Variants in SLC22A23 observed in about 807,000 individuals in gnomAD.
SLC22A23 encodes solute carrier family 22 member 23, also known as ion transporter protein.
SLC22A23 carries 26 observed loss-of-function variants against 61.0 expected under a neutral mutation model. The observed-to-expected ratio is 0.43, with a 90% confidence interval of 0.31 to 0.59. The LOEUF is 0.59. Among genes scored for constraint, SLC22A23 ranks in the 20% least tolerant of loss-of-function variants. The pLI, the probability that SLC22A23 is intolerant of heterozygous loss-of-function variation, is 0.11. For missense variants in SLC22A23, 796 were observed against 934.7 expected, an observed-to-expected ratio of 0.85 and a Z score of 1.94; for synonymous variants, 430 against 413.9, an observed-to-expected ratio of 1.04 and a Z score of -0.47.
intron 1 of SLC22A23, among the ~76,000 whole-genome samples, chr6:3,436,607 T>A (rs1029547077): frequency 6.6e-6 from 1 of 152,116 alleles, no homozygotes; most frequent in African/African-American, 2.4e-5. Context: ...ATCCCAGGGA[T>A]TCCCAACTCT....
intron 3 of SLC22A23, among the ~76,000 whole-genome samples, chr6:3,374,450 C>A (rs1004639535): frequency 1.4e-4 from 22 of 152,224 alleles, no homozygotes; most frequent in African/African-American, 5.3e-4. Flanking sequence ...AACTAGCAAT[C>A]TACCTGACAG....
intron 4 of SLC22A23, among the ~76,000 whole-genome samples, chr6:3,307,583 G>A (rs1762070937): frequency 6.6e-6 from 1 of 152,252 alleles, no homozygotes; most frequent in Non-Finnish European, 1.5e-5. Context: ...GGCAGACTGA[G>A]GCCCAGGCCC....
intron 9 of SLC22A23, among the ~76,000 whole-genome samples, chr6:3,275,878 C>G (rs933543631): frequency 6.6e-6 from 1 of 152,220 alleles, no homozygotes; most frequent in African/African-American, 2.4e-5. Context: ...CACCACGCCA[C>G]TCTTATAACT....
At chr6:3,323,799 G>C (rs377404779) in intron 4 of SLC22A23, 35 bp downstream of exon 4, 2 of 1,581,476 alleles carry the variant, frequency 1.3e-6, no homozygotes, top group Non-Finnish European at 1.7e-6. Flanking sequence ...ATGTGCAGTC[G>C]CACCAGCCCA....
At chr6:3,284,317 C>T (rs1432267614) in intron 8 of SLC22A23, among the ~76,000 whole-genome samples, 1 of 152,204 alleles carries the variant, frequency 6.6e-6, no homozygotes, top group Non-Finnish European at 1.5e-5. Flanking sequence ...CCTATGTTTG[C>T]TCCAGTCAGG....
At position 3,286,659 on chromosome 6, in the gene SLC22A23, AGGGGGAG is replaced by A. The variant is rs953295236; in HGVS notation, c.1546+193_1546+199del. 6.6e-6 allele frequency among the ~76,000 whole-genome samples: 1 copy of A among 152,132 alleles called. No individual in the cohort carries two copies. Among genetic ancestry groups the A allele is most frequent in the African/African-American group, 2.4e-5 (1 of 41,466 alleles). On this transcript the variant is annotated intron_variant, in intron 7 of 9. Transcript: ENST00000406686. The surrounding 1 kb of genome is among the most constrained non-coding windows in gnomAD (Gnocchi z 4.2). ...GTGCAGCCCGGGCCGGGGCAGGGGC[AGGGGGAG>A]GCGGGAAGGCCCAGTGCCCTCTAAG...
At chr6:3,367,335 T>C (rs1444345939) in intron 3 of SLC22A23, among the ~76,000 whole-genome samples, 2 of 152,234 alleles carry the variant, frequency 1.3e-5, no homozygotes, top group Admixed American at 6.5e-5. Flanking sequence ...TTGGCCATCA[T>C]TGAAAACATC....
chr6:3,437,732 T>C (rs939767259), intron 1 of SLC22A23, among the ~76,000 whole-genome samples: 18 of 142,290 alleles, frequency 1.3e-4, no homozygotes, highest in African/African-American at 4.6e-4. Flanking sequence ...AAACCCACTC[T>C]GGAACTTACT....
At chr6:3,279,543 ACAT>A (rs1405525646) in intron 9 of SLC22A23, among the ~76,000 whole-genome samples, 11 of 149,620 alleles carry the variant, frequency 7.4e-5, no homozygotes, top group Non-Finnish European at 1.6e-4. Flanking sequence ...AAAATCCTTG[ACAT>A]CATTCAGTAC....
At chr6:3,395,234 A>G (rs545718065) in intron 3 of SLC22A23, among the ~76,000 whole-genome samples, 2 of 152,352 alleles carry the variant, frequency 1.3e-5, no homozygotes, top group South Asian at 4.1e-4. Flanking sequence ...AAGATTTTGG[A>G]GCCCACATTT....
rs1319580828 is a variant in SLC22A23, at chr6:3,269,884, G to C, written c.*3171C>G. ...GGCTCTAGGAAGCGGTGGTGTCTGA[G>C]TGTGATACTTCCCTTACGAGGTTTG... On this transcript the variant is annotated 3_prime_UTR_variant, in exon 10 of 10. Coordinates refer to ENST00000406686, the MANE Select transcript of SLC22A23 (RefSeq NM_015482.2). 1 of 152,830 alleles carries C rather than the reference G, an allele frequency of 6.5e-6. No homozygotes were observed. The highest frequency in any genetic ancestry group is 1.5e-5 in the Non-Finnish European group (1 of 68,042). The allele number at this position is 152,830 out of a possible 1,614,324, so 9.5% of individuals were successfully genotyped here.
At position 3,455,978 on chromosome 6, in the gene SLC22A23, G is replaced by T. The variant is rs1772383471; in HGVS notation, c.582C>A (p.Asn194Lys). Residue 194 changes from asparagine to lysine, a missense_variant, in exon 1 of 10, where the codon AAC (asparagine) becomes AAA (lysine). Transcript: ENST00000406686. ...PLPSPPDKGD[N>K]ASNCDCRAWD... The stretch of plus-strand genomic sequence containing the variant: ...ATGCGCGGCAGTCACAGTTGGAGGC[G>T]TTGTCCCCCTTGTCCGGAGGGGATG... The T allele has an allele frequency of 2.6e-6, 4 of 1,546,480 alleles. No homozygotes were observed. Among genetic ancestry groups the T allele is most frequent in the Non-Finnish European group, 3.5e-6 (4 of 1,145,772 alleles).
chr6:3,436,285 G>A (rs1374404777), intron 1 of SLC22A23, among the ~76,000 whole-genome samples: 8 of 151,964 alleles, frequency 5.3e-5, no homozygotes, highest in East Asian at 1.9e-4. Context: ...ACAGGTGCCC[G>A]CCACCACGTC....
intron 1 of SLC22A23, among the ~76,000 whole-genome samples, chr6:3,453,965 A>C (rs1772273043): frequency 6.6e-6 from 1 of 152,218 alleles, no homozygotes; most frequent in Non-Finnish European, 1.5e-5. Context: ...CCAACATGCC[A>C]AAATGTGCTT....
intron 4 of SLC22A23, among the ~76,000 whole-genome samples, chr6:3,314,047 G>A (rs762925600): frequency 1.3e-5 from 2 of 152,138 alleles, no homozygotes; most frequent in Non-Finnish European, 2.9e-5. Context: ...ATTCTTAAAT[G>A]GTCTTTTAAA....
intron 9 of SLC22A23, among the ~76,000 whole-genome samples, chr6:3,273,713 T>C (rs1758643829): frequency 6.6e-6 from 1 of 152,250 alleles, no homozygotes; most frequent in South Asian, 2.1e-4. Flanking sequence ...GAACTTTATT[T>C]TGAAAGGCAG....
In SLC22A23 at chr6:3,272,914, G is replaced by A; in HGVS notation, c.*141C>T. 1 of 745,404 alleles carries A rather than the reference G, an allele frequency of 1.3e-6. No individual in the cohort carries two copies. Among genetic ancestry groups the A allele is most frequent in the Non-Finnish European group, 2.1e-6 (1 of 469,000 alleles). 46.2% of individuals were successfully genotyped at this position (745,404 alleles called of 1,614,324 possible). On this transcript the variant is annotated 3_prime_UTR_variant, in exon 10 of 10. Transcript: ENST00000406686. The stretch of plus-strand genomic sequence containing the variant: ...CCCGCGCTCCTTGGACTTTTGGAAA[G>A]ACAGGATTTCCCCACACCAGTTGAG...
intron 4 of SLC22A23, among the ~76,000 whole-genome samples, chr6:3,311,305 G>A (rs1173461976): frequency 6.6e-6 from 1 of 152,196 alleles, no homozygotes; most frequent in East Asian, 1.9e-4. Context: ...AGGGCTGTAG[G>A]CTGCAGTGAG....
At chr6:3,373,644 A>AAAG (rs756355631) in intron 3 of SLC22A23, among the ~76,000 whole-genome samples, 1 of 152,192 alleles carries the variant, frequency 6.6e-6, no homozygotes. Flanking sequence ...GAAAAAAAAG[A>AAAG]AAGAAGAAGA....
Sources: allele counts gnomAD v4.1 joint callset (sites outside exome capture counted in the v4.1 genomes callset), GRCh38; gene constraint gnomAD v4.1.1; non-coding constraint Gnocchi (gnomAD v3.1); transcripts MANE v1.5; gene names NCBI Gene and HGNC (gene_info 2026-07-23, HGNC 2026-07-21).